The following GLIS3 variants were observed in gnomAD, a reference collection of about 807,000 sequenced individuals.
GLIS3 encodes zinc finger protein GLIS3.
In GLIS3, 53 loss-of-function variants were observed where a neutral mutation model predicts 78.6. The observed-to-expected ratio is 0.67, with a 90% CI of 0.54 to 0.85. The LOEUF (loss-of-function observed/expected upper bound fraction) is 0.85, where lower values mean the gene tolerates loss of function less well. Ranked by LOEUF, GLIS3 falls within the 40% of genes least tolerant of loss-of-function variation. The pLI is 0.00. For missense variants in GLIS3, 1,703 were observed against 1,231.1 expected, an observed-to-expected ratio of 1.38 and a Z score of -5.74; for synonymous variants, 684 against 509.9, an observed-to-expected ratio of 1.34 and a Z score of -4.60.
the GLIS3 span, among the ~76,000 whole-genome samples, chr9:4,456,952 A>G: frequency 6.6e-6 from 1 of 152,248 alleles, no homozygotes; most frequent in African/African-American, 2.4e-5. Context: ...AAAGTTTGAA[A>G]TATTGCAAAA....
chr9:4,448,725 C>G, the GLIS3 span, among the ~76,000 whole-genome samples: 2 of 152,320 alleles, frequency 1.3e-5, no homozygotes, highest in East Asian at 1.9e-4. Flanking sequence ...TCATTATGTC[C>G]TTTTGATCCC....
In GLIS3 at chr9:3,970,828, A is replaced by G. The variant is rs146163228; in HGVS notation, c.1711-33639T>C. ...TTGAAGAGAGAAGGATGAGAAGATG[A>G]GTATTCCCAAAGTTAAACAATGAGT... On this transcript the variant is annotated intron_variant, in intron 4 of 10. Coordinates refer to ENST00000381971, the MANE Select transcript of GLIS3 (RefSeq NM_001042413.2). Among the ~76,000 whole-genome samples the G allele has an allele frequency of 7.4e-3, 1,134 of 152,286 alleles. 18 individuals carry two copies. Among genetic ancestry groups the G allele is most frequent in the African/African-American group, 0.026 (1,087 of 41,556 alleles).
rs549734483 is a variant in GLIS3 at position 4,251,640 on chromosome 9, C to T, written c.388+34398G>A. On this transcript the variant is annotated intron_variant, in intron 2 of 10. Coordinates refer to ENST00000381971, the MANE Select transcript of GLIS3 (RefSeq NM_001042413.2). ...TAATATTTTCATGTGTGAATTTAATCCTGTCATTATGATGCTAGCTGGTTA... is the reference window on the plus strand; with the variant it reads ...TAATATTTTCATGTGTGAATTTAATTCTGTCATTATGATGCTAGCTGGTTA... Among the ~76,000 whole-genome samples the T allele has an allele frequency of 1.1e-4, 17 of 152,208 alleles. No homozygotes were observed. The South Asian group carries it at 3.3e-3, about 30-fold the overall frequency.
the GLIS3 span, among the ~76,000 whole-genome samples, chr9:4,367,745 G>A: frequency 6.6e-6 from 1 of 150,714 alleles, no homozygotes; most frequent in Non-Finnish European, 1.5e-5. Context: ...TTTATTGAGA[G>A]AATACATTTG....
chr9:4,332,965 G>A (rs754144098), intron 2 of GLIS3, among the ~76,000 whole-genome samples: 10 of 152,190 alleles, frequency 6.6e-5, no homozygotes, highest in Admixed American at 3.3e-4. Flanking sequence ...CAATGTTAAC[G>A]TTTTCAGCTC....
At chr9:3,990,721 T>C (rs1820163591) in intron 4 of GLIS3, among the ~76,000 whole-genome samples, 1 of 152,224 alleles carries the variant, frequency 6.6e-6, no homozygotes, top group Non-Finnish European at 1.5e-5. Flanking sequence ...GTAACTAACC[T>C]GAAATTGTGC....
chr9:4,063,207 C>G (rs932609995), intron 4 of GLIS3, among the ~76,000 whole-genome samples: 3 of 152,042 alleles, frequency 2.0e-5, no homozygotes, highest in Non-Finnish European at 4.4e-5. Context: ...TGAGATGTGT[C>G]CTTTCTTACT....
intron 4 of GLIS3, among the ~76,000 whole-genome samples, chr9:4,308,024 C>G (rs1447520770): frequency 6.6e-6 from 1 of 152,174 alleles, no homozygotes; most frequent in Non-Finnish European, 1.5e-5. Flanking sequence ...TCCCCCAGAA[C>G]CAAACACTGC....
intron 2 of GLIS3, among the ~76,000 whole-genome samples, chr9:4,163,837 T>A (rs1586850895): frequency 6.6e-6 from 1 of 152,200 alleles, no homozygotes. Flanking sequence ...TTGTGCTTAT[T>A]ACACTATTAT....
the GLIS3 span, among the ~76,000 whole-genome samples, chr9:4,354,024 G>C: frequency 8.2e-6 from 1 of 122,324 alleles, no homozygotes; most frequent in East Asian, 2.3e-4. Flanking sequence ...TTTTAGTAGA[G>C]ACAGGGTCTC....
chr9:4,364,727 T>TA, the GLIS3 span, among the ~76,000 whole-genome samples: 1 of 145,460 alleles, frequency 6.9e-6, no homozygotes, highest in Non-Finnish European at 1.5e-5. Context: ...TATATATATA[T>TA]TATGTATTCA....
the GLIS3 span, among the ~76,000 whole-genome samples, chr9:4,471,062 C>T: frequency 6.6e-6 from 1 of 151,866 alleles, no homozygotes; most frequent in African/African-American, 2.4e-5. Context: ...TGTGAAGGAC[C>T]TCTTCAAGGA....
At chr9:4,399,376 T>C in the GLIS3 span, among the ~76,000 whole-genome samples, 3 of 152,252 alleles carry the variant, frequency 2.0e-5, no homozygotes, top group South Asian at 4.1e-4. Flanking sequence ...AGCTCTTTTA[T>C]ATGAATCATT....
chr9:4,159,030 G>GAAAAAAAAA lies in GLIS3; in HGVS notation c.389-33090_389-33089insTTTTTTTTT, dbSNP rs141412126. Among the ~76,000 whole-genome samples, 484 of 79,052 alleles carry GAAAAAAAAA rather than the reference G, an allele frequency of 6.1e-3. 72 individuals carry two copies. The highest frequency in any genetic ancestry group is 0.012 in the African/African-American group (253 of 20,572). 51.9% of individuals were successfully genotyped at this position (79,052 alleles called of 152,430 possible). A position where few individuals can be genotyped will look rare whatever the true frequency, so the allele number is the denominator to read the frequency against. Reference sequence around the variant, plus strand: ...GCTTGGTATGCTAGAGAAAGGAGAAGAAGAAAAAAAAAAAAAAAAGCCAGG... The same window carrying GAAAAAAAAA: ...GCTTGGTATGCTAGAGAAAGGAGAAGAAAAAAAAAAAGAAAAAAAAAAAAAAAAGCCAGG... On this transcript the variant is annotated intron_variant, in intron 2 of 10. Transcript: ENST00000381971.
intron 2 of GLIS3, among the ~76,000 whole-genome samples, chr9:4,135,556 C>G (rs1306211400): frequency 6.6e-6 from 1 of 152,022 alleles, no homozygotes; most frequent in Non-Finnish European, 1.5e-5. Flanking sequence ...TACTGCTACT[C>G]TAAACATTAT....
chr9:3,846,409 C>G (rs1251577808), intron 9 of GLIS3, among the ~76,000 whole-genome samples: 2 of 152,144 alleles, frequency 1.3e-5, no homozygotes, highest in South Asian at 2.1e-4. Flanking sequence ...TCTGGACTTG[C>G]TCAGAGCACC....
chr9:4,236,067 C>G (rs1822705570), intron 2 of GLIS3, among the ~76,000 whole-genome samples: 1 of 150,774 alleles, frequency 6.6e-6, no homozygotes, highest in Non-Finnish European at 1.5e-5. Flanking sequence ...TAAAACAAGC[C>G]TTTGTTGACA....
chr9:4,126,058 T>C, intron 2 of GLIS3, 117 bp from the exon 3 acceptor site: 2 of 789,286 alleles, frequency 2.5e-6, no homozygotes, highest in Non-Finnish European at 4.2e-6. Flanking sequence ...AGATCATTTT[T>C]TTTTTTAGTA....
chr9:4,055,719 C>G (rs1826097316), intron 4 of GLIS3, among the ~76,000 whole-genome samples: 1 of 152,160 alleles, frequency 6.6e-6, no homozygotes, highest in Non-Finnish European at 1.5e-5. Flanking sequence ...ATAAAATGCA[C>G]AAAGGCTTCT....
Sources: allele counts gnomAD v4.1 joint callset (sites outside exome capture counted in the v4.1 genomes callset), GRCh38; gene constraint gnomAD v4.1.1; transcripts MANE v1.5; gene names NCBI Gene and HGNC (gene_info 2026-07-23, HGNC 2026-07-21).